Variants in DNAH11 observed in about 807,000 individuals in gnomAD.
The protein encoded by DNAH11 is dynein axonemal heavy chain 11, also known as axonemal beta dynein heavy chain 11.
A neutral mutation model predicts 526.0 loss-of-function variants in DNAH11; 442 were observed. The observed-to-expected ratio is 0.84, with a 90% CI of 0.78 to 0.91. DNAH11 has a LOEUF of 0.91. Among genes scored for constraint, DNAH11 ranks in the 40% least tolerant of loss-of-function variants. The pLI is 0.00. For missense variants in DNAH11, 6,989 were observed against 5,448.7 expected (o/e 1.28, Z -8.90); for synonymous variants, 2,461 against 1,935.9 (o/e 1.27, Z -7.12).
At chr7:21,582,780 A>G (rs1258414393) in intron 9 of DNAH11, among the ~76,000 whole-genome samples, 1 of 152,210 alleles carries the variant, frequency 6.6e-6, no homozygotes, top group Non-Finnish European at 1.5e-5. Context: ...GTTCAATATC[A>G]GAAGAAAAAG....
In DNAH11 at chr7:21,762,790, C is replaced by T. The variant is rs181294316; in HGVS notation, c.8941-2638C>T. 3.9e-4 allele frequency among the ~76,000 whole-genome samples: 60 copies of T among 152,222 alleles called. 1 individual carries two copies. The highest frequency in any genetic ancestry group is 3.7e-3 in the Admixed American group (57 of 15,290). ...TTAAAGACTTAAATATAGGGGAAAT[C>T]TTCAGAAGATTCATCTTGGCAATGA... On this transcript the variant is annotated intron_variant, in intron 54 of 81. Coordinates refer to ENST00000409508, the MANE Select transcript of DNAH11 (RefSeq NM_001277115.2).
intron 42 of DNAH11, among the ~76,000 whole-genome samples, chr7:21,715,997 C>T (rs568364814): frequency 2.5e-4 from 38 of 151,940 alleles, no homozygotes; most frequent in African/African-American, 8.4e-4. Context: ...CTAGTGGGAT[C>T]GGTAGATTTT....
At chr7:21,544,137 TTTC>T (rs1355853400) in intron 1 of DNAH11, among the ~76,000 whole-genome samples, 4 of 152,214 alleles carry the variant, frequency 2.6e-5, no homozygotes, top group African/African-American at 7.2e-5. Context: ...AGTTCCCTCC[TTTC>T]TTCTTTTTCT....
intron 49 of DNAH11, among the ~76,000 whole-genome samples, chr7:21,744,127 T>C (rs887480919): frequency 1.3e-5 from 2 of 152,244 alleles, no homozygotes; most frequent in Non-Finnish European, 2.9e-5. Flanking sequence ...GTTTGTACTC[T>C]GGTTTTGTAA....
intron 55 of DNAH11, among the ~76,000 whole-genome samples, chr7:21,770,075 T>G (rs1787369156): frequency 6.6e-6 from 1 of 152,190 alleles, no homozygotes; most frequent in Admixed American, 6.5e-5. Flanking sequence ...TAACACTTGT[T>G]GCTGCCCTGT....
At chr7:21,772,184 T>G (rs951072182) in intron 55 of DNAH11, among the ~76,000 whole-genome samples, 1 of 152,160 alleles carries the variant, frequency 6.6e-6, no homozygotes, top group African/African-American at 2.4e-5. Flanking sequence ...TTTTGCCCCA[T>G]TGAGACAAGT....
intron 6 of DNAH11, among the ~76,000 whole-genome samples, chr7:21,568,791 C>T (rs143205366): frequency 6.6e-6 from 1 of 152,190 alleles, no homozygotes; most frequent in Non-Finnish European, 1.5e-5. Context: ...AAGATGGAGT[C>T]GTTTGCCATA....
At chr7:21,680,917 G>A (rs562591142) in intron 30 of DNAH11, among the ~76,000 whole-genome samples, 15 of 152,132 alleles carry the variant, frequency 9.9e-5, no homozygotes, top group African/African-American at 3.6e-4. Flanking sequence ...GTCTAATTTG[G>A]CCTTTCAAGA....
chr7:21,644,188 T>A (rs1235094486), intron 28 of DNAH11, among the ~76,000 whole-genome samples: 1 of 152,192 alleles, frequency 6.6e-6, no homozygotes, highest in African/African-American at 2.4e-5. Flanking sequence ...TTGTGAGAAA[T>A]GAGCTTTATA....
intron 31 of DNAH11, among the ~76,000 whole-genome samples, chr7:21,682,672 T>A (rs1361578554): frequency 6.6e-6 from 1 of 152,182 alleles, no homozygotes; most frequent in Non-Finnish European, 1.5e-5. Flanking sequence ...GGGTTACGCT[T>A]GTTTGGTAGT....
Position 21,770,607 on chromosome 7 carries a change from G to A in DNAH11, c.9103-3159G>A, listed in dbSNP as rs1006530916. Among the ~76,000 whole-genome samples the A allele has an allele frequency of 2.0e-5, 3 of 152,160 alleles. 1 individual carries two copies. The highest frequency in any genetic ancestry group is 7.2e-5 in the African/African-American group (3 of 41,436). ...AGGCCCAAGAGTAAATAATGCCGCT[G>A]GTAAGGGGTACATCTGCAGTTTGAC... On this transcript the variant is annotated intron_variant, in intron 55 of 81. Transcript: ENST00000409508.
At chr7:21,815,295 A>G (rs1459030001) in intron 63 of DNAH11, among the ~76,000 whole-genome samples, 1 of 152,218 alleles carries the variant, frequency 6.6e-6, no homozygotes, top group Non-Finnish European at 1.5e-5. Context: ...AAGATTGCTT[A>G]TTCTAAAAGA....
intron 8 of DNAH11, among the ~76,000 whole-genome samples, 163 bp from the exon 9 acceptor site, chr7:21,581,742 T>C (rs1050884095): frequency 2.6e-5 from 4 of 152,222 alleles, no homozygotes; most frequent in Non-Finnish European, 4.4e-5. Context: ...CAGTCAGATA[T>C]AGCTCTTTCT....
In DNAH11 at chr7:21,617,751, T is replaced by G; in HGVS notation, c.4228T>G (p.Trp1410Gly). Residue 1410 changes from tryptophan to glycine, a missense_variant, in exon 23 of 82, where the codon TGG becomes GGG. Trp to Gly is a radical substitution (Grantham distance 184). Coordinates refer to ENST00000409508, the MANE Select transcript of DNAH11 (RefSeq NM_001277115.2). Reference protein sequence around the residue: ...LQSPALRDRHWHQLMKAIGVK... With the variant: ...LQSPALRDRHGHQLMKAIGVK... ...GAGCCCTGCCCTCAGGGACAGGCAT[T>G]GGCACCAGCTGATGAAAGCTATTGG... The G allele has an allele frequency of 6.2e-7, 1 of 1,605,684 alleles. No individual in the cohort carries two copies.
rs1419716369 is a variant in DNAH11 at position 21,590,959 on chromosome 7, G to A, written c.2211G>A (p.Leu737=). Residue 737 remains leucine (L), a synonymous_variant, in exon 13 of 82, where the codon TTG becomes TTA. Transcript: ENST00000409508. ...VLREVKYLLM[L]KKQDIPDSAL... ...GAGAAGTGAAATATCTTTTGATGTT[G>A]AAGAAACAAGACATACCAGATTCAG... The A allele has an allele frequency of 1.3e-6, 2 of 1,510,838 alleles. No homozygotes were observed. Among genetic ancestry groups the A allele is most frequent in the South Asian group, 1.5e-5 (1 of 68,382 alleles). The allele number at this position is 1,510,838 out of a possible 1,614,324, so 93.6% of individuals were successfully genotyped here. A position where few individuals can be genotyped will look rare whatever the true frequency, so the allele number is the denominator to read the frequency against.
chr7:21,772,076 G>A (rs1305298286), intron 55 of DNAH11, among the ~76,000 whole-genome samples: 2 of 152,168 alleles, frequency 1.3e-5, no homozygotes, highest in African/African-American at 4.8e-5. Context: ...GGAACGATTA[G>A]AGTTTTCTGA....
intron 63 of DNAH11, among the ~76,000 whole-genome samples, chr7:21,814,684 G>C (rs1789697256): frequency 6.6e-6 from 1 of 151,932 alleles, no homozygotes; most frequent in Non-Finnish European, 1.5e-5. Flanking sequence ...TGGCTACAGT[G>C]TCACTAGGTG....
intron 44 of DNAH11, among the ~76,000 whole-genome samples, chr7:21,721,765 T>G (rs1479705071): frequency 6.6e-6 from 1 of 152,070 alleles, no homozygotes; most frequent in Non-Finnish European, 1.5e-5. Flanking sequence ...GATTTGGGGG[T>G]GGGATGTGGG....
intron 6 of DNAH11, among the ~76,000 whole-genome samples, chr7:21,565,556 A>G (rs1340455608): frequency 6.6e-6 from 1 of 152,170 alleles, no homozygotes; most frequent in Non-Finnish European, 1.5e-5. Flanking sequence ...TGCATTGTTA[A>G]TATTTTTCAT....
Sources: gnomAD v4.1 joint callset for allele counts (sites outside exome capture counted in the v4.1 genomes callset) on GRCh38, gnomAD v4.1.1 for gene constraint, MANE v1.5 for transcripts, NCBI Gene and HGNC (gene_info 2026-07-23, HGNC 2026-07-21) for gene names.